PPP6C: variants seen among roughly 807,000 people sequenced by gnomAD.
PPP6C encodes the protein serine/threonine-protein phosphatase 6 catalytic subunit.
A neutral mutation model predicts 39.8 loss-of-function variants in PPP6C; 11 were observed. That is an observed-to-expected ratio of 0.28 (90% CI 0.17 to 0.46). PPP6C has a LOEUF of 0.46. PPP6C is among the 20% of genes least tolerant of loss of function. The probability of loss-of-function intolerance (pLI) is 1.00; values close to 1 mark genes in which losing one functional copy is unlikely to be tolerated. For synonymous variants in PPP6C, 129 were observed against 130.3 expected, an observed-to-expected ratio of 0.99 and a Z score of 0.07; for missense variants, 211 against 373.9, an observed-to-expected ratio of 0.56 and a Z score of 3.59.
intron 2 of PPP6C, among the ~76,000 whole-genome samples, chr9:125,168,207 T>C (rs1217199541): frequency 6.6e-6 from 1 of 152,110 alleles, no homozygotes; most frequent in African/African-American, 2.4e-5. Flanking sequence ...ACAACTAATA[T>C]ATAGCCAAGC....
intron 1 of PPP6C, among the ~76,000 whole-genome samples, chr9:125,181,373 T>C (rs1163161975): frequency 2.6e-5 from 4 of 152,116 alleles, no homozygotes; most frequent in Non-Finnish European, 5.9e-5. Flanking sequence ...CTGGGACACA[T>C]GTGCAGAACG....
At chr9:125,163,320 A>G (rs1323777778) in intron 2 of PPP6C, among the ~76,000 whole-genome samples, 4 of 152,244 alleles carry the variant, frequency 2.6e-5, no homozygotes, top group Non-Finnish European at 5.9e-5. Context: ...TTATATACAC[A>G]AAGTCAGGAA....
chr9:125,153,780 C>G lies in PPP6C; in HGVS notation c.460-38G>C. 4 of 1,585,466 alleles carry G rather than the reference C, an allele frequency of 2.5e-6. No individual in the cohort carries two copies. The East Asian group carries it at 8.9e-5, about 35-fold the overall frequency. ...GATAACAAAGAGTTGAACATATAAC[C>G]TCAGGCATATCTAAACTCATCAGTG... On this transcript the variant is annotated intron_variant, in intron 5 of 6. Coordinates refer to ENST00000373547, the MANE Select transcript of PPP6C (RefSeq NM_002721.5).
chr9:125,158,059 C>G (rs1836124047), intron 4 of PPP6C, among the ~76,000 whole-genome samples, 182 bp downstream of exon 4: 1 of 152,044 alleles, frequency 6.6e-6, no homozygotes, highest in Admixed American at 6.6e-5. Flanking sequence ...TAGAAAGATG[C>G]ACACCAAAAA....
chr9:125,178,271 A>G (rs560693612), intron 1 of PPP6C, among the ~76,000 whole-genome samples: 70 of 152,326 alleles, frequency 4.6e-4, no homozygotes, highest in African/African-American at 1.6e-3. Flanking sequence ...CCCACCAGCA[A>G]TGAATGAGAG....
chr9:125,188,952 G>C, intron 1 of PPP6C: 1 of 1,547,294 alleles, frequency 6.5e-7, no homozygotes, highest in Non-Finnish European at 8.7e-7. Context: ...GAAATACTGA[G>C]TTAAGAAGGG....
intron 6 of PPP6C, chr9:125,150,659 CA>C: frequency 1.0e-6 from 1 of 965,476 alleles, no homozygotes; most frequent in Non-Finnish European, 1.5e-6. Context: ...TCCTGAATAT[CA>C]AAATCTTCAG....
In PPP6C at chr9:125,185,565, G is replaced by T. The variant is rs184117726; in HGVS notation, c.75+4079C>A. On this transcript the variant is annotated intron_variant, in intron 1 of 6. Coordinates refer to ENST00000373547, the MANE Select transcript of PPP6C (RefSeq NM_002721.5). ...AAAAATTAGCCAGGAGTGGTGGTGG[G>T]TGCCTGTAATCCCAGCTACTCAGGA... Among the ~76,000 whole-genome samples, 1,228 of 151,196 alleles carry T rather than the reference G, an allele frequency of 8.1e-3. 39 individuals carry two copies. Among genetic ancestry groups the T allele is most frequent in the African/African-American group, 0.028 (1,150 of 40,980 alleles).
At chr9:125,189,531 G>A in intron 1 of PPP6C, 113 bp downstream of exon 1, 1 of 1,530,912 alleles carries the variant, frequency 6.5e-7, no homozygotes, top group Non-Finnish European at 8.8e-7. Context: ...TGGCAATGGG[G>A]GAGGCCCTCC....
chr9:125,160,715 T>C, intron 3 of PPP6C, 126 bp downstream of exon 3: 1 of 630,026 alleles, frequency 1.6e-6, no homozygotes, highest in Non-Finnish European at 2.5e-6. Context: ...AACGGACTAA[T>C]ACACATCTTT....
rs1835851762 is a variant in PPP6C, at chr9:125,148,076, A to G, written c.*1597T>C. On this transcript the variant is annotated 3_prime_UTR_variant, in exon 7 of 7. Transcript: ENST00000373547. ...TGTAAGGAGCTGGGTGGTTTGAGGG[A>G]AAAAAATTAAATCAAAACAGTATTG... The G allele has an allele frequency of 1.6e-5, 3 of 186,182 alleles. No individual in the cohort carries two copies. The highest frequency in any genetic ancestry group is 4.8e-5 in the African/African-American group (2 of 41,572). 11.5% of individuals were successfully genotyped at this position (186,182 alleles called of 1,614,324 possible).
At chr9:125,173,578 AAAAC>A (rs1341161600) in intron 1 of PPP6C, among the ~76,000 whole-genome samples, 31 of 151,674 alleles carry the variant, frequency 2.0e-4, no homozygotes, top group Admixed American at 1.2e-3. Flanking sequence ...ACTCTTTCTC[AAAAC>A]AAACAAACAA....
intron 1 of PPP6C, among the ~76,000 whole-genome samples, chr9:125,183,694 T>C (rs529665083): frequency 6.6e-6 from 1 of 152,292 alleles, no homozygotes; most frequent in African/African-American, 2.4e-5. Context: ...CTATTGCACA[T>C]GGTGTTTATT....
rs1265895935 is a variant in PPP6C, at chr9:125,149,325, T to C, written c.*348A>G. The C allele has an allele frequency of 5.4e-6, 1 of 183,912 alleles. No homozygotes were observed. Among genetic ancestry groups the C allele is most frequent in the African/African-American group, 2.4e-5 (1 of 42,454 alleles). The allele number at this position is 183,912 out of a possible 1,614,324, so 11.4% of individuals were successfully genotyped here. A position where few individuals can be genotyped will look rare whatever the true frequency, so the allele number is the denominator to read the frequency against. On this transcript the variant is annotated 3_prime_UTR_variant, in exon 7 of 7. Coordinates refer to ENST00000373547, the MANE Select transcript of PPP6C (RefSeq NM_002721.5). ...GCTGAATGATACAAAAGGAGGAGTA[T>C]TTAGGTGTAATCTGTCAATTGGCTT... is the stretch of plus-strand genomic sequence containing the variant.
Position 125,153,592 on chromosome 9 carries a change from T to A in PPP6C, c.610A>T (p.Thr204Ser), listed in dbSNP as rs958403448. The A allele has an allele frequency of 6.2e-7, 1 of 1,614,180 alleles. No homozygotes were observed. Among genetic ancestry groups the A allele is most frequent in the African/African-American group, 1.3e-5 (1 of 75,048 alleles). ...GCTCCTCGGGGACTGATAGCCCAGGTATCCACATCTTCAGGATCTGACCAA... is the reference window on the plus strand; with the variant it reads ...GCTCCTCGGGGACTGATAGCCCAGGAATCCACATCTTCAGGATCTGACCAA... ...LVWSDPEDVD[T>S]WAISPRGAGW... The change falls in exon 6 of 7, where the codon ACC becomes TCC. Residue 204 changes from threonine (T) to serine (S), a missense_variant. Physicochemically the swap from Thr to Ser is moderately conservative, Grantham distance 58. This residue lies in a region of PPP6C where 168 missense variants were observed against 342.6 expected (regional missense o/e 0.49). Coordinates refer to ENST00000373547, the MANE Select transcript of PPP6C (RefSeq NM_002721.5).
At chr9:125,185,326 C>T (rs1285637973) in intron 1 of PPP6C, among the ~76,000 whole-genome samples, 1 of 151,028 alleles carries the variant, frequency 6.6e-6, no homozygotes, top group East Asian at 2.0e-4. Flanking sequence ...CTCACTGCAA[C>T]CTCCATCTCC....
intron 6 of PPP6C, among the ~76,000 whole-genome samples, chr9:125,153,127 G>C (rs1006197269): frequency 6.6e-6 from 1 of 151,916 alleles, no homozygotes; most frequent in African/African-American, 2.4e-5. Context: ...ACAAAAATTA[G>C]CCAGGCATGG....
At chr9:125,179,962 A>G (rs1829388457) in intron 1 of PPP6C, among the ~76,000 whole-genome samples, 1 of 152,036 alleles carries the variant, frequency 6.6e-6, no homozygotes, top group South Asian at 2.1e-4. Context: ...GCCCGAATAT[A>G]ATTTTTTAAA....
At chr9:125,184,550 C>T (rs1175633005) in intron 1 of PPP6C, among the ~76,000 whole-genome samples, 2 of 150,522 alleles carry the variant, frequency 1.3e-5, no homozygotes, top group Non-Finnish European at 3.0e-5. Flanking sequence ...GACTGAGACC[C>T]TACCTCAAAG....
Sources: gnomAD v4.1 joint callset for allele counts (sites outside exome capture counted in the v4.1 genomes callset) on GRCh38, gnomAD v4.1.1 for gene constraint, gnomAD v4.1.1 regional missense constraint, MANE v1.5 for transcripts, NCBI Gene and HGNC (gene_info 2026-07-23, HGNC 2026-07-21) for gene names.